GPC6: variants seen among roughly 807,000 people sequenced by gnomAD.
GPC6 encodes glypican-6.
A neutral mutation model predicts 55.2 loss-of-function variants in GPC6; 14 were observed. The ratio of observed to expected loss-of-function variants is 0.25; its 90% CI spans 0.17 to 0.40. The LOEUF (loss-of-function observed/expected upper bound fraction) is 0.40, where lower values mean the gene tolerates loss of function less well. Among genes scored for constraint, GPC6 ranks in the 10% least tolerant of loss-of-function variants. The pLI is 1.00. For synonymous variants in GPC6, 278 were observed against 259.6 expected, an observed-to-expected ratio of 1.07 and a Z score of -0.68; for missense variants, 641 against 708.5, an observed-to-expected ratio of 0.90 and a Z score of 1.08.
At chr13:93,562,265 T>G (rs1302016692) in intron 2 of GPC6, among the ~76,000 whole-genome samples, 4 of 152,086 alleles carry the variant, frequency 2.6e-5, no homozygotes, top group African/African-American at 9.7e-5. Flanking sequence ...GCCTTGTAAT[T>G]CGGCCTTACT....
chr13:93,846,648 C>T (rs1223508888), intron 3 of GPC6, among the ~76,000 whole-genome samples: 3 of 152,082 alleles, frequency 2.0e-5, no homozygotes, highest in Non-Finnish European at 4.4e-5. Flanking sequence ...CCTGTCTCTA[C>T]TTAAAGTACA....
In GPC6 at chr13:93,467,605, A is replaced by G. The variant is rs111226021; in HGVS notation, c.161-77658A>G. Among the ~76,000 whole-genome samples, 551 of 116,072 alleles carry G rather than the reference A, an allele frequency of 4.7e-3. 5 individuals are homozygous for G. Among genetic ancestry groups the G allele is most frequent in the African/African-American group, 0.018 (530 of 29,106 alleles). The allele number at this position is 116,072 out of a possible 152,430, so 76.1% of individuals were successfully genotyped here. Reference sequence around the variant, plus strand: ...TTTTTTTTTTTTTTTTTTTTGAGACATGGTCTCATCCTGTCACCCAGGATG... The same window carrying G: ...TTTTTTTTTTTTTTTTTTTTGAGACGTGGTCTCATCCTGTCACCCAGGATG... On this transcript the variant is annotated intron_variant, in intron 1 of 8. Transcript: ENST00000377047.
chr13:93,679,017 A>C (rs183043949), intron 2 of GPC6, among the ~76,000 whole-genome samples: 1 of 152,166 alleles, frequency 6.6e-6, no homozygotes, highest in African/African-American at 2.4e-5. Context: ...ATTCTCCTGA[A>C]GAGCTCTATT....
chr13:93,806,443 TTC>T (rs1429611183), intron 2 of GPC6, among the ~76,000 whole-genome samples: 1 of 152,190 alleles, frequency 6.6e-6, no homozygotes, highest in Non-Finnish European at 1.5e-5. Flanking sequence ...GTTCAAACAA[TTC>T]TCCCGCCTCA....
At chr13:94,175,815 T>C (rs1310438744) in intron 4 of GPC6, among the ~76,000 whole-genome samples, 1 of 148,562 alleles carries the variant, frequency 6.7e-6, no homozygotes, top group African/African-American at 2.4e-5. Context: ...TATATATATC[T>C]TTTATATAAA....
chr13:93,649,036 A>G (rs1880295535), intron 2 of GPC6, among the ~76,000 whole-genome samples: 1 of 152,228 alleles, frequency 6.6e-6, no homozygotes, highest in Non-Finnish European at 1.5e-5. Context: ...AATTCAACAA[A>G]TGGCATGTGG....
intron 4 of GPC6, among the ~76,000 whole-genome samples, chr13:94,161,016 C>T (rs1018581573): frequency 6.6e-6 from 1 of 152,092 alleles, no homozygotes; most frequent in Non-Finnish European, 1.5e-5. Flanking sequence ...AGTGCCTGCC[C>T]CCACAGAGCT....
At chr13:93,536,276 G>A (rs751449365) in intron 1 of GPC6, among the ~76,000 whole-genome samples, 1 of 152,062 alleles carries the variant, frequency 6.6e-6, no homozygotes, top group Non-Finnish European at 1.5e-5. Context: ...ATTTTACAGA[G>A]TATGTTTAAT....
At chr13:93,590,213 A>G (rs73541590) in intron 2 of GPC6, among the ~76,000 whole-genome samples, 5,547 of 152,298 alleles carry the variant, frequency 0.036, 343 homozygotes, top group African/African-American at 0.13. Flanking sequence ...AATAGGAGGC[A>G]TGGAGCTGTG....
At chr13:94,086,370 G>A (rs1390912204) in intron 4 of GPC6, among the ~76,000 whole-genome samples, 2 of 152,038 alleles carry the variant, frequency 1.3e-5, no homozygotes, top group Non-Finnish European at 2.9e-5. Flanking sequence ...GAGATCGGAT[G>A]AGTGGAATGA....
At chr13:93,860,511 A>G (rs1888776127) in intron 3 of GPC6, among the ~76,000 whole-genome samples, 2 of 151,644 alleles carry the variant, frequency 1.3e-5, no homozygotes, top group African/African-American at 4.8e-5. Flanking sequence ...GGTGTTTAGC[A>G]ATCTTTTACA....
intron 3 of GPC6, among the ~76,000 whole-genome samples, chr13:93,837,749 C>T (rs1887794360): frequency 6.6e-6 from 1 of 152,046 alleles, no homozygotes; most frequent in South Asian, 2.1e-4. Context: ...AGGAGAGGCA[C>T]CTAGCTTAAT....
At chr13:93,726,133 CACACACACACACACACACAT>C (rs1883629820) in intron 2 of GPC6, among the ~76,000 whole-genome samples, 1 of 151,184 alleles carries the variant, frequency 6.6e-6, no homozygotes, top group Non-Finnish European at 1.5e-5. Context: ...CACACACACA[CACACACACACACACACACAT>C]ATCAAGCAAA....
At chr13:94,034,200 A>AGAAAGAAGGAAGGAAGGAAG (rs796156525) in intron 4 of GPC6, among the ~76,000 whole-genome samples, 1,124 of 72,626 alleles carry the variant, frequency 0.015, 7 homozygotes, top group Non-Finnish European at 0.034. Flanking sequence ...AAAGAAAGAA[A>AGAAAGAAGGAAGGAAGGAAG]GAAGGAAGGA....
chr13:93,603,182 T>A lies in GPC6; in HGVS notation c.319+57761T>A, dbSNP rs570141365. 2.6e-5 allele frequency among the ~76,000 whole-genome samples: 4 copies of A among 152,134 alleles called. No individual in the cohort carries two copies. In the South Asian group the frequency reaches 8.3e-4, roughly 32 times the overall value. On this transcript the variant is annotated intron_variant, in intron 2 of 8. Transcript: ENST00000377047. ...ACACCACCACACCCAGCTAATTTTT[T>A]ATTATTTGTAAAGACATGATCTCAC... is the stretch of plus-strand genomic sequence containing the variant.
intron 2 of GPC6, among the ~76,000 whole-genome samples, chr13:93,817,736 G>A (rs1267688729): frequency 6.6e-6 from 1 of 151,798 alleles, no homozygotes; most frequent in Admixed American, 6.6e-5. Flanking sequence ...GCGTGCACCT[G>A]TAGTCCCAGC....
chr13:94,021,620 G>A (rs1177348638), intron 3 of GPC6, among the ~76,000 whole-genome samples: 4 of 151,244 alleles, frequency 2.6e-5, no homozygotes, highest in African/African-American at 7.3e-5. Context: ...TTGCACTTTA[G>A]CCATAAAAAA....
chr13:93,804,818 A>C (rs866553110), intron 2 of GPC6, among the ~76,000 whole-genome samples: 1 of 152,210 alleles, frequency 6.6e-6, no homozygotes, highest in Admixed American at 6.5e-5. Context: ...GGGCTTCTCC[A>C]TGTAATAGCT....
intron 3 of GPC6, among the ~76,000 whole-genome samples, chr13:93,949,073 G>A (rs1439249575): frequency 6.6e-6 from 1 of 152,010 alleles, no homozygotes; most frequent in African/African-American, 2.4e-5. Context: ...CAACTTTGGG[G>A]GTCTTCTGCG....
Sources: allele counts gnomAD v4.1 joint callset (sites outside exome capture counted in the v4.1 genomes callset), GRCh38; gene constraint gnomAD v4.1.1; transcripts MANE v1.5; gene names NCBI Gene and HGNC (gene_info 2026-07-23, HGNC 2026-07-21).